The following NRG1 variants were observed in gnomAD, a reference collection of about 807,000 sequenced individuals.
The protein encoded by NRG1 is pro-neuregulin-1, membrane-bound isoform.
In NRG1, 18 loss-of-function variants were observed where a neutral mutation model predicts 63.8. That is an observed-to-expected ratio of 0.28 (90% CI 0.19 to 0.42). The LOEUF (loss-of-function observed/expected upper bound fraction) is 0.42. NRG1 is among the 10% of genes least tolerant of loss of function. NRG1 has a pLI of 1.00. For missense variants in NRG1, 762 were observed against 814.7 expected, an observed-to-expected ratio of 0.94 and a Z score of 0.79; for synonymous variants, 302 against 301.3, an observed-to-expected ratio of 1.00 and a Z score of -0.02.
chr8:31,883,571 A>G (rs1041073664), intron 1 of NRG1, among the ~76,000 whole-genome samples: 1 of 152,162 alleles, frequency 6.6e-6, no homozygotes, highest in Non-Finnish European at 1.5e-5. Context: ...AAGAAGAAGC[A>G]GAGTAGCCCA....
chr8:31,998,038 AT>A (rs1485035050), intron 1 of NRG1, among the ~76,000 whole-genome samples: 1 of 151,996 alleles, frequency 6.6e-6, no homozygotes, highest in African/African-American at 2.4e-5. Context: ...GATTTTATAA[AT>A]GACTTTTCTC....
intron 8 of NRG1, among the ~76,000 whole-genome samples, chr8:32,754,775 G>C (rs1336173777): frequency 6.6e-6 from 1 of 152,098 alleles, no homozygotes; most frequent in Admixed American, 6.6e-5. Context: ...CAGAATGAAG[G>C]CACCTCATTC....
intron 1 of NRG1, among the ~76,000 whole-genome samples, chr8:31,919,060 A>AT (rs766297023): frequency 6.6e-6 from 1 of 151,928 alleles, no homozygotes; most frequent in African/African-American, 2.4e-5. Context: ...CCCCTTTATC[A>AT]TTTTTTATTG....
At chr8:32,721,886 A>C (rs759895695) in intron 5 of NRG1, 8 of 1,434,004 alleles carry the variant, frequency 5.6e-6, no homozygotes, top group Non-Finnish European at 7.3e-6. Context: ...CCACCTAAGC[A>C]TTTTTTTCCC....
At chr8:32,443,741 G>T (rs568604302) in intron 1 of NRG1, among the ~76,000 whole-genome samples, 2 of 152,050 alleles carry the variant, frequency 1.3e-5, no homozygotes, top group African/African-American at 4.8e-5. Context: ...CTAGATAGAA[G>T]CATTTATGAT....
At chr8:32,310,904 G>A (rs1463945572) in intron 1 of NRG1, among the ~76,000 whole-genome samples, 1 of 152,088 alleles carries the variant, frequency 6.6e-6, no homozygotes, top group Non-Finnish European at 1.5e-5. Flanking sequence ...AGCTCATGCT[G>A]TTCCCTCTAC....
chr8:31,776,396 C>G (rs1363526795), intron 1 of NRG1, among the ~76,000 whole-genome samples: 1 of 152,126 alleles, frequency 6.6e-6, no homozygotes, highest in East Asian at 1.9e-4. Context: ...GCCCAAGCCT[C>G]TGTGCTGGAA....
chr8:32,073,603 G>A (rs1259880974), intron 1 of NRG1, among the ~76,000 whole-genome samples: 1 of 152,150 alleles, frequency 6.6e-6, no homozygotes, highest in Non-Finnish European at 1.5e-5. Context: ...TTGTTTTACA[G>A]AAGGGAAATC....
chr8:31,830,702 T>C (rs1178695531), intron 1 of NRG1, among the ~76,000 whole-genome samples: 2 of 152,094 alleles, frequency 1.3e-5, no homozygotes, highest in Non-Finnish European at 2.9e-5. Context: ...TTCCTTATTC[T>C]AATCCAACAG....
rs548961358 is a variant in NRG1 at position 32,244,122 on chromosome 8, T to C, written c.38-351706T>C. ...CTCAGCAATCAAATTTATTTGATCC[T>C]CATGTTCAGCAGACATGTTGTTTTT... On this transcript the variant is annotated intron_variant, in intron 1 of 10. Coordinates refer to the NRG1 transcript ENST00000519301. Among the ~76,000 whole-genome samples, 35 of 152,304 alleles carry C rather than the reference T, an allele frequency of 2.3e-4. No homozygotes were observed. In the South Asian group the frequency reaches 6.6e-3, roughly 29 times the overall value.
intron 1 of NRG1, among the ~76,000 whole-genome samples, chr8:31,788,711 G>T (rs958049898): frequency 2.6e-5 from 4 of 152,174 alleles, no homozygotes; most frequent in African/African-American, 9.7e-5. Flanking sequence ...AGCATACAGT[G>T]CTGGTAACAC....
At chr8:32,643,538 G>T (rs1755282895) in intron 5 of NRG1, among the ~76,000 whole-genome samples, 1 of 152,136 alleles carries the variant, frequency 6.6e-6, no homozygotes, top group Admixed American at 6.5e-5. Flanking sequence ...CCACCTAGTT[G>T]CACCTCACCT....
chr8:32,711,576 T>TA (rs1444209384), intron 5 of NRG1, among the ~76,000 whole-genome samples: 1 of 152,210 alleles, frequency 6.6e-6, no homozygotes, highest in African/African-American at 2.4e-5. Flanking sequence ...ACTATGAAGT[T>TA]ATGCTGTAAT....
At chr8:31,700,066 C>CA (rs1279429572) in intron 1 of NRG1, among the ~76,000 whole-genome samples, 3 of 152,182 alleles carry the variant, frequency 2.0e-5, no homozygotes, top group Admixed American at 2.0e-4. Context: ...TCCTTGGCCC[C>CA]ATGCAGGTAC....
intron 1 of NRG1, among the ~76,000 whole-genome samples, chr8:31,654,828 C>T (rs1805269727): frequency 6.6e-6 from 1 of 152,176 alleles, no homozygotes; most frequent in Admixed American, 6.5e-5. Flanking sequence ...TCAGTCCTAG[C>T]TACTCTGGAA....
At chr8:32,419,783 G>T (rs1310785579) in intron 1 of NRG1, among the ~76,000 whole-genome samples, 2 of 152,044 alleles carry the variant, frequency 1.3e-5, no homozygotes, top group African/African-American at 4.8e-5. Flanking sequence ...ACAACATAAC[G>T]CAGCTTGACT....
chr8:32,410,646 G>C (rs1465892159), intron 1 of NRG1, among the ~76,000 whole-genome samples: 1 of 152,074 alleles, frequency 6.6e-6, no homozygotes, highest in Non-Finnish European at 1.5e-5. Context: ...TCACACCAGA[G>C]TGTATTGCCT....
intron 1 of NRG1, among the ~76,000 whole-genome samples, chr8:32,163,902 G>A (rs1839125189): frequency 6.6e-6 from 1 of 152,154 alleles, no homozygotes. Flanking sequence ...GGCAGTGGAA[G>A]TAAAGAGAAA....
chr8:31,964,486 C>A (rs774305720), intron 1 of NRG1, among the ~76,000 whole-genome samples: 8 of 152,046 alleles, frequency 5.3e-5, no homozygotes, highest in African/African-American at 1.4e-4. Flanking sequence ...CCTGGTGAGA[C>A]CTTTATCTCT....
Sources: gnomAD v4.1 joint callset for allele counts (sites outside exome capture counted in the v4.1 genomes callset) on GRCh38, gnomAD v4.1.1 for gene constraint, MANE v1.5 for transcripts, NCBI Gene and HGNC (gene_info 2026-07-23, HGNC 2026-07-21) for gene names.